HEATR5A: variants seen among roughly 807,000 people sequenced by gnomAD.
The protein encoded by HEATR5A is HEAT repeat containing 5A, also known as HEAT repeat-containing protein 5A.
HEATR5A carries 178 observed loss-of-function variants against 218.8 expected under a neutral mutation model. The observed-to-expected ratio is 0.81, with a 90% confidence interval of 0.72 to 0.92. The LOEUF is 0.92. Ranked by LOEUF, HEATR5A falls within the 40% of genes least tolerant of loss-of-function variation. The pLI is 0.00. For missense variants in HEATR5A, 2,420 were observed against 2,418.9 expected, an observed-to-expected ratio of 1.00 and a Z score of -0.01; for synonymous variants, 864 against 871.6, an observed-to-expected ratio of 0.99 and a Z score of 0.15.
chr14:31,374,763 A>G, intron 12 of HEATR5A, 53 bp downstream of exon 12: 6 of 1,519,582 alleles, frequency 3.9e-6, no homozygotes, highest in Non-Finnish European at 5.3e-6. Flanking sequence ...TTAAAGACAA[A>G]GGGTGGGTAA....
Position 31,374,834 on chromosome 14 carries a change from G to A in HEATR5A, c.1843C>T (p.Arg615Ter), listed in dbSNP as rs376522134. 21 of 1,613,276 alleles carry A rather than the reference G, an allele frequency of 1.3e-5. No individual in the cohort carries two copies. In the African/African-American group the frequency reaches 1.7e-4, roughly 13 times the overall value. Residue 615 changes from arginine to a stop codon, truncating the protein, a stop_gained, in exon 12 of 36, where the codon CGA (arginine) becomes TGA (stop). Transcript: ENST00000543095. LOFTEE classifies it high-confidence loss of function. The part of the protein sequence containing the change: ...SFTWQVTLEG[R>*]AGALCAIKSF... ...AACCTACCACACAGTGCACCAGCTCGTCCTTCCAGGGTCACCTGCCATGTA... is the reference window on the plus strand; with the variant it reads ...AACCTACCACACAGTGCACCAGCTCATCCTTCCAGGGTCACCTGCCATGTA...
intron 19 of HEATR5A, among the ~76,000 whole-genome samples, chr14:31,345,727 A>G (rs1338976374): frequency 6.6e-6 from 1 of 152,224 alleles, no homozygotes; most frequent in Non-Finnish European, 1.5e-5. Flanking sequence ...AAACTAATTT[A>G]TGCTGTTGCA....
chr14:31,359,008 A>AG lies in HEATR5A; in HGVS notation c.2120dup (p.Asp708Ter). 1 of 1,587,388 alleles carries AG rather than the reference A, an allele frequency of 6.3e-7. No individual in the cohort carries two copies. The highest frequency in any genetic ancestry group is 8.5e-7 in the Non-Finnish European group (1 of 1,173,848). On this transcript the variant is annotated frameshift_variant, in exon 15 of 36. Transcript: ENST00000543095. LOFTEE classifies it high-confidence loss of function. ...ATGTAGATGCTGCCACCTGAATATC[A>AG]GGGGCAGTCAAGTCAGCAGCCAGCT...
chr14:31,345,963 T>C (rs1224217776), intron 19 of HEATR5A, among the ~76,000 whole-genome samples: 1 of 152,156 alleles, frequency 6.6e-6, no homozygotes, highest in Non-Finnish European at 1.5e-5. Context: ...GGTCATATAC[T>C]GATAACCACT....
chr14:31,328,480 A>G (rs1056366022), intron 22 of HEATR5A, among the ~76,000 whole-genome samples: 1 of 152,152 alleles, frequency 6.6e-6, no homozygotes, highest in African/African-American at 2.4e-5. Context: ...GCTGCAAATC[A>G]ATATTGATTT....
At chr14:31,318,127 G>T (rs2139159216) in intron 26 of HEATR5A, 97 bp downstream of exon 26, 2 of 997,298 alleles carry the variant, frequency 2.0e-6, no homozygotes, top group East Asian at 2.4e-5. Context: ...ATGATTGACG[G>T]TAAGACAACC....
intron 10 of HEATR5A, among the ~76,000 whole-genome samples, chr14:31,380,863 AG>A (rs2029950130): frequency 6.6e-6 from 1 of 152,264 alleles, no homozygotes; most frequent in Non-Finnish European, 1.5e-5. Context: ...ATAGCTGTAT[AG>A]AATTTGAATT....
chr14:31,401,813 A>T (rs1160986833), intron 2 of HEATR5A, among the ~76,000 whole-genome samples: 1 of 152,172 alleles, frequency 6.6e-6, no homozygotes, highest in Non-Finnish European at 1.5e-5. Context: ...TGTTTTATTC[A>T]GGTCTATTCC....
intron 1 of HEATR5A, among the ~76,000 whole-genome samples, chr14:31,413,169 G>T (rs751475595): frequency 3.9e-5 from 6 of 152,104 alleles, no homozygotes. Context: ...GAAGAATGTT[G>T]CCGCTCACCA....
chr14:31,302,744 G>T (rs1899425753), intron 32 of HEATR5A: 2 of 490,382 alleles, frequency 4.1e-6, no homozygotes, highest in South Asian at 5.4e-5. Flanking sequence ...AATAAATTGT[G>T]TGAGTATCAT....
At chr14:31,303,559 G>T (rs753386084) in intron 32 of HEATR5A, among the ~76,000 whole-genome samples, 9 of 152,276 alleles carry the variant, frequency 5.9e-5, no homozygotes, top group South Asian at 2.1e-4. Context: ...AGATTTAATT[G>T]GAAACAAGAC....
At chr14:31,401,023 T>C (rs1445083333) in intron 2 of HEATR5A, among the ~76,000 whole-genome samples, 4 of 151,984 alleles carry the variant, frequency 2.6e-5, no homozygotes, top group African/African-American at 9.7e-5. Flanking sequence ...GTATTTTCAG[T>C]ACAGACAGGG....
At chr14:31,373,485 C>T (rs944867281) in intron 12 of HEATR5A, among the ~76,000 whole-genome samples, 3 of 151,944 alleles carry the variant, frequency 2.0e-5, no homozygotes, top group African/African-American at 4.8e-5. Context: ...CCCACCACCA[C>T]ATCTGGCTAA....
chr14:31,337,724 G>A (rs906599445), intron 21 of HEATR5A, 110 bp from the exon 22 acceptor site: 3 of 830,414 alleles, frequency 3.6e-6, no homozygotes, highest in Admixed American at 6.2e-5. Context: ...CCATCAGTGG[G>A]CTGGACACAA....
At position 31,295,921 on chromosome 14, in the gene HEATR5A, T is replaced by C; in HGVS notation, c.5607A>G (p.Ile1869Met). 6.2e-7 allele frequency: 1 copy of C among 1,613,566 alleles called. No individual in the cohort carries two copies. The highest frequency in any genetic ancestry group is 8.5e-7 in the Non-Finnish European group (1 of 1,179,648). Residue 1869 changes from isoleucine (I) to methionine (M), a missense_variant, in exon 34 of 36, where the codon ATA (isoleucine) becomes ATG (methionine). Coordinates refer to ENST00000543095, the MANE Select transcript of HEATR5A (RefSeq NM_015473.4). ...CIDKFKATLEIKDPVVQIKTY... is the reference protein window; with the variant it reads ...CIDKFKATLEMKDPVVQIKTY... ...AAAAGACACTTACCACAGGATCTTT[T>C]ATCTCAAGAGTAGCTTTAAATTTAT...
At chr14:31,394,346 T>A (rs2030566582) in intron 5 of HEATR5A, 120 bp from the exon 6 acceptor site, 1 of 519,184 alleles carries the variant, frequency 1.9e-6, no homozygotes, top group Non-Finnish European at 3.2e-6. Flanking sequence ...AAAGTATCTA[T>A]TATGATTACA....
chr14:31,380,462 G>A lies in HEATR5A; in HGVS notation c.1708+5C>T. The A allele has an allele frequency of 1.3e-6, 2 of 1,574,126 alleles. No individual in the cohort carries two copies. On this transcript the variant is annotated splice_donor_5th_base_variant and intron_variant, in intron 11 of 35. Coordinates refer to ENST00000543095, the MANE Select transcript of HEATR5A (RefSeq NM_015473.4). ...AAGGTATGTAAACCTTCTACAGACT[G>A]TTACCTAATGTCATCAGAGCAGAAA... is the stretch of plus-strand genomic sequence containing the variant.
At position 31,349,995 on chromosome 14, in the gene HEATR5A, A is replaced by G; in HGVS notation, c.2518-16T>C. ...CAGCCACGTACTGAAATATGTAAAGAACAACCCAAACTTACAATTGTAGTA... is the reference window on the plus strand; with the variant it reads ...CAGCCACGTACTGAAATATGTAAAGGACAACCCAAACTTACAATTGTAGTA... On this transcript the variant is annotated splice_polypyrimidine_tract_variant and intron_variant, in intron 17 of 35. Coordinates refer to ENST00000543095, the MANE Select transcript of HEATR5A (RefSeq NM_015473.4). 1 of 1,494,650 alleles carries G rather than the reference A, an allele frequency of 6.7e-7. No homozygotes were observed. The highest frequency in any genetic ancestry group is 9.0e-7 in the Non-Finnish European group (1 of 1,114,472). 92.6% of individuals were successfully genotyped at this position (1,494,650 alleles called of 1,614,324 possible). A position where few individuals can be genotyped will look rare whatever the true frequency, so the allele number is the denominator to read the frequency against.
intron 31 of HEATR5A, 94 bp downstream of exon 31, chr14:31,306,638 C>T: frequency 7.8e-7 from 1 of 1,288,540 alleles, no homozygotes; most frequent in South Asian, 1.8e-5. Context: ...GTACCACACA[C>T]AAAAGATTAT....
Sources: gnomAD v4.1 joint callset for allele counts (sites outside exome capture counted in the v4.1 genomes callset) on GRCh38, gnomAD v4.1.1 for gene constraint, MANE v1.5 for transcripts, NCBI Gene and HGNC (gene_info 2026-07-23, HGNC 2026-07-21) for gene names.